The following MB21D2 variants were observed in gnomAD, a reference collection of about 807,000 sequenced individuals.
MB21D2 encodes the protein Mab-21 domain containing 2.
Under a neutral mutation model 33.3 loss-of-function variants are expected in MB21D2, and 9 were observed. The ratio of observed to expected loss-of-function variants is 0.27; its 90% CI spans 0.16 to 0.47. The LOEUF (loss-of-function observed/expected upper bound fraction) is 0.47. Ranked by LOEUF, MB21D2 falls within the 20% of genes least tolerant of loss-of-function variation. The probability of loss-of-function intolerance (pLI) is 0.99; values close to 1 mark genes in which losing one functional copy is unlikely to be tolerated. For synonymous variants in MB21D2, 241 were observed against 236.3 expected (o/e 1.02, Z -0.18); for missense variants, 540 against 624.6 (o/e 0.86, Z 1.44).
intron 1 of MB21D2, among the ~76,000 whole-genome samples, chr3:192,863,201 G>A (rs1713087716): frequency 1.3e-5 from 2 of 152,218 alleles, no homozygotes; most frequent in South Asian, 4.1e-4. Context: ...AGGCTAGGAA[G>A]AGGCAAGGAA....
intron 1 of MB21D2, among the ~76,000 whole-genome samples, chr3:192,841,068 G>C (rs1234061319): frequency 6.6e-6 from 1 of 152,108 alleles, no homozygotes; most frequent in African/African-American, 2.4e-5. Context: ...ATCCTTCCAG[G>C]CACCAGTTAC....
chr3:192,842,159 C>T (rs551304399), intron 1 of MB21D2, among the ~76,000 whole-genome samples: 13 of 152,310 alleles, frequency 8.5e-5, no homozygotes, highest in Non-Finnish European at 1.2e-4. Flanking sequence ...CCTTCTGTAA[C>T]GACCCTGTGG....
At chr3:192,812,901 G>T (rs991486613) in intron 1 of MB21D2, among the ~76,000 whole-genome samples, 47 of 152,154 alleles carry the variant, frequency 3.1e-4, no homozygotes, top group African/African-American at 9.4e-4. Context: ...TAAATAAATG[G>T]ATTCCTTACT....
chr3:192,898,171 C>CAA (rs1213369019), intron 1 of MB21D2, among the ~76,000 whole-genome samples: 1 of 135,598 alleles, frequency 7.4e-6, no homozygotes, highest in Non-Finnish European at 1.6e-5. Flanking sequence ...ATTTATTTTT[C>CAA]AAAAAAAAAA....
Position 192,917,646 on chromosome 3 carries a change from G to A in MB21D2, c.195C>T (p.Phe65=). ...CCTCCTTACCCAGCATGGAAAAGAT[G>A]AAATCCTTGGCTGTGTGAATCTCCA... is the stretch of plus-strand genomic sequence containing the variant. ...RALEIHTAKD[F]IFSMLGMVQK... The change falls in exon 1 of 2, where the codon TTC becomes TTT. Residue 65 remains phenylalanine, a synonymous_variant. Transcript: ENST00000392452. 1.2e-6 allele frequency: 2 copies of A among 1,614,114 alleles called. No homozygotes were observed. The highest frequency in any genetic ancestry group is 1.7e-6 in the Non-Finnish European group (2 of 1,180,020).
intron 1 of MB21D2, among the ~76,000 whole-genome samples, chr3:192,870,699 G>GAAGAAAAAAAAA (rs1553859970): frequency 7.2e-5 from 3 of 41,664 alleles, no homozygotes; most frequent in Admixed American, 3.5e-4. Context: ...CGACTCCGTT[G>GAAGAAAAAAAAA]AAAAAAAAAA....
At chr3:192,872,598 A>G (rs1713333709) in intron 1 of MB21D2, among the ~76,000 whole-genome samples, 1 of 152,038 alleles carries the variant, frequency 6.6e-6, no homozygotes, top group Admixed American at 6.6e-5. Flanking sequence ...AAAAGTTGCA[A>G]AGCTCTGACT....
chr3:192,910,398 A>G (rs1189645320), intron 1 of MB21D2, among the ~76,000 whole-genome samples: 1 of 151,988 alleles, frequency 6.6e-6, no homozygotes, highest in Non-Finnish European at 1.5e-5. Context: ...GGATCGCTTG[A>G]GCCCAAGAGG....
At chr3:192,835,863 T>G in intron 1 of MB21D2, among the ~76,000 whole-genome samples, 1 of 149,492 alleles carries the variant, frequency 6.7e-6, no homozygotes, top group African/African-American at 2.4e-5. Context: ...AAAAAGGCCT[T>G]CCCTCAGACA....
At chr3:192,886,329 G>A (rs1171274843) in intron 1 of MB21D2, among the ~76,000 whole-genome samples, 1 of 152,104 alleles carries the variant, frequency 6.6e-6, no homozygotes, top group African/African-American at 2.4e-5. Context: ...AATCATACTT[G>A]CTAACATTCT....
At chr3:192,860,766 T>C (rs774677944) in intron 1 of MB21D2, among the ~76,000 whole-genome samples, 1 of 152,164 alleles carries the variant, frequency 6.6e-6, no homozygotes, top group African/African-American at 2.4e-5. Context: ...AGGGCAACAA[T>C]GTCTCCCAGC....
intron 1 of MB21D2, among the ~76,000 whole-genome samples, chr3:192,870,871 A>G (rs1713281243): frequency 6.6e-6 from 1 of 152,076 alleles, no homozygotes; most frequent in Admixed American, 6.5e-5. Flanking sequence ...CCAACTGGGA[A>G]TGGTTTCCTG....
chr3:192,860,945 A>T (rs1713028879), intron 1 of MB21D2, among the ~76,000 whole-genome samples: 1 of 152,252 alleles, frequency 6.6e-6, no homozygotes, highest in Non-Finnish European at 1.5e-5. Flanking sequence ...CTGAAGTGCT[A>T]GAGTAGTTTA....
intron 1 of MB21D2, among the ~76,000 whole-genome samples, chr3:192,823,157 G>C (rs1278644072): frequency 6.6e-6 from 1 of 152,118 alleles, no homozygotes; most frequent in Non-Finnish European, 1.5e-5. Context: ...CTATGTTCTA[G>C]TTTATTTACA....
chr3:192,855,950 C>T (rs546360384), intron 1 of MB21D2, among the ~76,000 whole-genome samples: 22 of 152,156 alleles, frequency 1.4e-4, no homozygotes, highest in African/African-American at 4.3e-4. Context: ...TCCAGCTATT[C>T]GGGGGCTGAG....
At chr3:192,837,803 A>T (rs915383174) in intron 1 of MB21D2, among the ~76,000 whole-genome samples, 29 of 152,338 alleles carry the variant, frequency 1.9e-4, no homozygotes, top group African/African-American at 6.7e-4. Context: ...ACACACACAT[A>T]TTATAGTTGA....
At chr3:192,907,662 G>T (rs1210567168) in intron 1 of MB21D2, among the ~76,000 whole-genome samples, 4 of 152,146 alleles carry the variant, frequency 2.6e-5, no homozygotes, top group Non-Finnish European at 4.4e-5. Context: ...TACCAAATGT[G>T]AATATTTATT....
At chr3:192,880,948 A>C (rs1467412338) in intron 1 of MB21D2, among the ~76,000 whole-genome samples, 1 of 152,114 alleles carries the variant, frequency 6.6e-6, no homozygotes, top group African/African-American at 2.4e-5. Flanking sequence ...CTTCCCACTT[A>C]CTGAAAATTA....
chr3:192,861,128 G>A (rs138881634), intron 1 of MB21D2, among the ~76,000 whole-genome samples: 163 of 152,328 alleles, frequency 1.1e-3, no homozygotes, highest in African/African-American at 3.8e-3. Flanking sequence ...TCAAGTTGAT[G>A]CTATTATTAA....
Sources: allele counts gnomAD v4.1 joint callset (sites outside exome capture counted in the v4.1 genomes callset), GRCh38; gene constraint gnomAD v4.1.1; transcripts MANE v1.5; gene names NCBI Gene and HGNC (gene_info 2026-07-23, HGNC 2026-07-21).